Variants in ANK3 observed in about 807,000 individuals in gnomAD.
The protein encoded by ANK3 is ankyrin-3.
In ANK3, 57 loss-of-function variants were observed where a neutral mutation model predicts 370.9. The ratio of observed to expected loss-of-function variants is 0.15; its 90% CI spans 0.12 to 0.19. The LOEUF is 0.19. ANK3 is among the 10% of genes least tolerant of loss of function. ANK3 has a pLI of 1.00. For synonymous variants in ANK3, 1,929 were observed against 1,946.3 expected (o/e 0.99, Z 0.23); for missense variants, 4,439 against 5,302.1 (o/e 0.84, Z 5.06).
chr10:60,630,729 G>C (rs1015090586), intron 1 of ANK3, among the ~76,000 whole-genome samples: 3 of 152,098 alleles, frequency 2.0e-5, no homozygotes, highest in Non-Finnish European at 4.4e-5. Context: ...TTAATATGTT[G>C]ATAAAAAAGC....
chr10:60,429,893 A>G (rs2132974870), intron 2 of ANK3, among the ~76,000 whole-genome samples: 1 of 152,350 alleles, frequency 6.6e-6, no homozygotes, highest in South Asian at 2.1e-4. Flanking sequence ...ACATTTAAAT[A>G]CAAACCATTA....
Position 60,203,100 on chromosome 10 carries a change from A to C in ANK3, c.1294T>G (p.Ser432Ala). ...GCAACATGGATTGGGGTAAGGCCCG[A>C]CTAAGGGGAAAAGAAGAAAATGGTG... Reference protein sequence around the residue: ...HGASIQAVTESGLTPIHVAAF... With the variant: ...HGASIQAVTEAGLTPIHVAAF... Residue 432 changes from serine (S) to alanine (A), a missense_variant and splice_region_variant, in exon 12 of 44, where the codon TCG (serine) becomes GCG (alanine). This residue lies in a region of ANK3 where 227 missense variants were observed against 377.6 expected (regional missense o/e 0.60). Coordinates refer to ENST00000280772, the MANE Select transcript of ANK3 (RefSeq NM_020987.5). The C allele has an allele frequency of 6.2e-7, 1 of 1,610,874 alleles. No homozygotes were observed. The highest frequency in any genetic ancestry group is 8.5e-7 in the Non-Finnish European group (1 of 1,178,250).
chr10:60,136,900 T>C (rs1168292073), intron 24 of ANK3, among the ~76,000 whole-genome samples: 1 of 152,174 alleles, frequency 6.6e-6, no homozygotes, highest in African/African-American at 2.4e-5. Context: ...GGCCAACTAT[T>C]TGTAGCCATC....
chr10:60,669,870 T>A (rs1362410774), intron 1 of ANK3, among the ~76,000 whole-genome samples: 1 of 152,208 alleles, frequency 6.6e-6, no homozygotes, highest in African/African-American at 2.4e-5. Context: ...TCACCCAGGC[T>A]GGAGTGCAGT....
At chr10:60,296,653 G>T (rs568013497) in intron 1 of ANK3, among the ~76,000 whole-genome samples, 1 of 152,094 alleles carries the variant, frequency 6.6e-6, no homozygotes, top group South Asian at 2.1e-4. Flanking sequence ...CCAGGTTTTG[G>T]GGATCAAATA....
chr10:60,570,299 G>GAA (rs1183105108), intron 2 of ANK3, among the ~76,000 whole-genome samples: 1 of 152,146 alleles, frequency 6.6e-6, no homozygotes, highest in Non-Finnish European at 1.5e-5. Flanking sequence ...CTGATAGCTT[G>GAA]AAAAAGAAGC....
chr10:60,044,851 T>G (rs1451985357), intron 42 of ANK3: 2 of 152,192 alleles, frequency 1.3e-5, no homozygotes, highest in Non-Finnish European at 2.9e-5. Context: ...AATACACACA[T>G]TTTTTGAAAG....
intron 2 of ANK3, among the ~76,000 whole-genome samples, chr10:60,402,755 C>A (rs1014728215): frequency 6.6e-6 from 1 of 152,136 alleles, no homozygotes; most frequent in African/African-American, 2.4e-5. Flanking sequence ...CATCACCCCC[C>A]ACCCCAGACA....
At position 60,234,742 on chromosome 10, in the gene ANK3, T is replaced by C; in HGVS notation, c.843A>G (p.Ala281=). Residue 281 remains alanine, a synonymous_variant, in exon 8 of 44, where the codon GCA becomes GCG. Transcript: ENST00000280772. ...PLHVASKRGN[A]NMVKLLLDRG... is the part of the protein sequence containing the mutation. ...GATCGAGCAATAGTTTTACCATATT[T>C]GCATTTCCTCTTTTTGATGCAACAT... is the stretch of plus-strand genomic sequence containing the variant. The C allele has an allele frequency of 2.5e-6, 4 of 1,613,686 alleles. No homozygotes were observed. Among genetic ancestry groups the C allele is most frequent in the Non-Finnish European group, 3.4e-6 (4 of 1,179,708 alleles).
chr10:60,337,626 A>G (rs2053314445), intron 1 of ANK3, among the ~76,000 whole-genome samples: 1 of 151,952 alleles, frequency 6.6e-6, no homozygotes. Flanking sequence ...CGTCTCTTTT[A>G]TCTCATAATT....
chr10:60,089,665 T>G (rs765574091), intron 28 of ANK3, among the ~76,000 whole-genome samples: 1 of 152,128 alleles, frequency 6.6e-6, no homozygotes, highest in Non-Finnish European at 1.5e-5. Context: ...TATATGATAT[T>G]AAGATTTACT....
intron 2 of ANK3, among the ~76,000 whole-genome samples, chr10:60,437,760 A>C (rs1222112244): frequency 6.6e-6 from 1 of 152,200 alleles, no homozygotes; most frequent in Admixed American, 6.5e-5. Context: ...ACTCACATCA[A>C]GATTTCACAT....
chr10:60,330,227 C>A (rs780397882), intron 1 of ANK3, among the ~76,000 whole-genome samples: 2 of 152,092 alleles, frequency 1.3e-5, no homozygotes, highest in African/African-American at 4.8e-5. Flanking sequence ...TAGGCATGGG[C>A]GAAGACTTCA....
chr10:60,335,972 C>A (rs1264321185), intron 1 of ANK3, among the ~76,000 whole-genome samples: 1 of 152,090 alleles, frequency 6.6e-6, no homozygotes, highest in African/African-American at 2.4e-5. Context: ...GGAGCAATAA[C>A]CGTAAGTGCC....
chr10:60,241,034 C>A (rs1317910218), intron 7 of ANK3, among the ~76,000 whole-genome samples: 1 of 152,176 alleles, frequency 6.6e-6, no homozygotes, highest in Admixed American at 6.5e-5. Context: ...CTATTTGCAG[C>A]CCACTACCAC....
intron 2 of ANK3, among the ~76,000 whole-genome samples, chr10:60,449,092 T>C (rs2133034091): frequency 6.6e-6 from 1 of 152,254 alleles, no homozygotes; most frequent in East Asian, 1.9e-4. Context: ...TATGCTAAAA[T>C]AAGCATGGGT....
At chr10:60,462,933 C>A (rs540351498) in intron 2 of ANK3, among the ~76,000 whole-genome samples, 40 of 151,720 alleles carry the variant, frequency 2.6e-4, no homozygotes, top group African/African-American at 9.4e-4. Context: ...AGACAGGGTC[C>A]CACTTTGTCT....
chr10:60,261,819 G>T (rs2132642400), intron 7 of ANK3, 40 bp downstream of exon 7: 2 of 1,554,840 alleles, frequency 1.3e-6, no homozygotes, highest in Non-Finnish European at 1.8e-6. Flanking sequence ...TAAAATAGTT[G>T]CAAATGCTTT....
intron 43 of ANK3, among the ~76,000 whole-genome samples, chr10:60,039,402 T>A (rs979545956): frequency 1.3e-5 from 2 of 152,182 alleles, no homozygotes; most frequent in South Asian, 4.1e-4. Flanking sequence ...CAGCCCCCTT[T>A]TTTGGTATTT....
Sources: gnomAD v4.1 joint callset for allele counts (sites outside exome capture counted in the v4.1 genomes callset) on GRCh38, gnomAD v4.1.1 for gene constraint, gnomAD v4.1.1 regional missense constraint, MANE v1.5 for transcripts, NCBI Gene and HGNC (gene_info 2026-07-23, HGNC 2026-07-21) for gene names.